SMARCA1: variants seen among roughly 807,000 people sequenced by gnomAD.
SMARCA1 encodes SNF2 related chromatin remodeling ATPase 1.
SMARCA1 carries 17 observed loss-of-function variants against 93.6 expected under a neutral mutation model. The ratio of observed to expected loss-of-function variants is 0.18; its 90% CI spans 0.12 to 0.27. The LOEUF (loss-of-function observed/expected upper bound fraction) is 0.27. SMARCA1 is among the 10% of genes least tolerant of loss of function. The pLI is 1.00. For synonymous variants in SMARCA1, 271 were observed against 271.4 expected (o/e 1.00, Z 0.01); for missense variants, 630 against 819.0 (o/e 0.77, Z 2.82).
intron 9 of SMARCA1, among the ~76,000 whole-genome samples, 169 bp downstream of exon 9, chrX:129,504,549 TAAAAAAAAAAAAAAAA>T (rs780225300): frequency 7.8e-4 from 19 of 24,206 alleles, no homozygotes; most frequent in African/African-American, 1.3e-3. Context: ...CATAGAGGAA[TAAAAAAAAAAAAAAAA>T]AAAAAAAAAA....
At chrX:129,516,966 A>G (rs1423289162) in intron 2 of SMARCA1, among the ~76,000 whole-genome samples, 1 of 111,631 alleles carries the variant, frequency 9.0e-6, no homozygotes. Flanking sequence ...ACTCTTAAGA[A>G]TTTCCAAGTT....
intron 17 of SMARCA1, among the ~76,000 whole-genome samples, chrX:129,483,552 C>T (rs1267855994): frequency 8.9e-6 from 1 of 111,831 alleles, no homozygotes; most frequent in Non-Finnish European, 1.9e-5. Flanking sequence ...TTTTATCTTT[C>T]TCAATTGGAG....
intron 23 of SMARCA1, among the ~76,000 whole-genome samples, chrX:129,458,578 C>T (rs1932741567): frequency 8.9e-6 from 1 of 112,138 alleles, no homozygotes; most frequent in African/African-American, 3.2e-5. Context: ...ATCCTTTGCT[C>T]CAATACTCAG....
chrX:129,511,332 T>C (rs900326346), intron 6 of SMARCA1, among the ~76,000 whole-genome samples: 1 of 111,808 alleles, frequency 8.9e-6, no homozygotes, highest in Non-Finnish European at 1.9e-5. Context: ...TCTGTACATA[T>C]AGAAGAGGTT....
At chrX:129,502,086 T>C (rs184584069) in intron 9 of SMARCA1, among the ~76,000 whole-genome samples, 9 of 111,811 alleles carry the variant, frequency 8.0e-5, no homozygotes, top group African/African-American at 1.9e-4. Context: ...TGGCTTCTGG[T>C]GTGAGCCTCA....
intron 23 of SMARCA1, among the ~76,000 whole-genome samples, chrX:129,463,897 A>G (rs1932850022): frequency 8.9e-6 from 1 of 111,743 alleles, no homozygotes; most frequent in Admixed American, 9.5e-5. Context: ...AGACTGCACC[A>G]CTGCACTCCA....
At chrX:129,490,380 T>C (rs1176998087) in intron 14 of SMARCA1, among the ~76,000 whole-genome samples, 188 bp from the exon 15 acceptor site, 1 of 112,410 alleles carries the variant, frequency 8.9e-6, no homozygotes, top group Admixed American at 9.4e-5. Context: ...AATATTATAT[T>C]GTACCATTAA....
rs778241381 is a variant in SMARCA1 at position 129,470,856 on chromosome X, G to A, written c.2565+348C>T. Among the ~76,000 whole-genome samples, 13 of 111,767 alleles carry A rather than the reference G, an allele frequency of 1.2e-4. No individual in the cohort carries two copies. The East Asian group carries it at 2.8e-3, about 24-fold the overall frequency. ...TGCACTCCGGCCTGGGTGACAGAGCGAGACTGTCTCAAAAAACAAAAAAGA... is the reference window on the plus strand; with the variant it reads ...TGCACTCCGGCCTGGGTGACAGAGCAAGACTGTCTCAAAAAACAAAAAAGA... On this transcript the variant is annotated intron_variant, in intron 20 of 24. Coordinates refer to ENST00000371121, the MANE Select transcript of SMARCA1 (RefSeq NM_001282874.2).
At chrX:129,494,616 G>A (rs1285411274) in intron 12 of SMARCA1, among the ~76,000 whole-genome samples, 1 of 111,222 alleles carries the variant, frequency 9.0e-6, no homozygotes, top group Non-Finnish European at 1.9e-5. Context: ...CTTGTAGCCT[G>A]AGATGGGGCC....
At chrX:129,471,616 C>T (rs1268128140) in intron 19 of SMARCA1, among the ~76,000 whole-genome samples, 1 of 110,674 alleles carries the variant, frequency 9.0e-6, no homozygotes, top group Non-Finnish European at 1.9e-5. Context: ...TTGTAATATA[C>T]AGAACAAACA....
chrX:129,447,303 T>C (rs1932054014), intron 24 of SMARCA1, 70 bp from the exon 25 acceptor site: 3 of 1,077,604 alleles, frequency 2.8e-6, no homozygotes, highest in Admixed American at 3.8e-5. Flanking sequence ...ATGTTAAATC[T>C]AGGATGTAAA....
intron 9 of SMARCA1, among the ~76,000 whole-genome samples, chrX:129,500,730 T>C (rs1030920292): frequency 8.9e-6 from 1 of 111,994 alleles, no homozygotes; most frequent in Non-Finnish European, 1.9e-5. Flanking sequence ...TTACTCACTA[T>C]CAATCATTTC....
At chrX:129,477,677 A>T (rs1276158977) in intron 19 of SMARCA1, among the ~76,000 whole-genome samples, 2 of 111,757 alleles carry the variant, frequency 1.8e-5, no homozygotes, top group African/African-American at 6.5e-5. Flanking sequence ...TAAAATAAGG[A>T]TGTAGTTCAA....
intron 15 of SMARCA1, 150 bp from the exon 16 acceptor site, chrX:129,489,235 C>A: frequency 2.8e-6 from 1 of 351,129 alleles, no homozygotes; most frequent in Non-Finnish European, 4.8e-6. Context: ...GTTTAATAAA[C>A]CCTACAAGTT....
At chrX:129,457,961 A>G (rs1018313773) in intron 23 of SMARCA1, among the ~76,000 whole-genome samples, 2 of 111,836 alleles carry the variant, frequency 1.8e-5, no homozygotes, top group African/African-American at 6.5e-5. Context: ...AAAGAATTGC[A>G]TAACACTTAT....
chrX:129,518,271 T>C, intron 2 of SMARCA1, 90 bp downstream of exon 2: 1 of 443,263 alleles, frequency 2.3e-6, no homozygotes, highest in Admixed American at 4.0e-5. Flanking sequence ...TCTCTATGCA[T>C]TATATATATA....
chrX:129,492,975 A>G (rs1197463593), intron 13 of SMARCA1, 65 bp downstream of exon 13: 1 of 413,867 alleles, frequency 2.4e-6, no homozygotes, highest in Non-Finnish European at 4.4e-6. Context: ...GGGAGTATAA[A>G]TTGGTACAAC....
chrX:129,504,229 G>C (rs1009174620), intron 9 of SMARCA1, among the ~76,000 whole-genome samples: 1 of 112,223 alleles, frequency 8.9e-6, no homozygotes, highest in African/African-American at 3.2e-5. Context: ...AGTGTGCCAA[G>C]ATCATGCCAC....
chrX:129,493,516 T>C (rs1223579911), intron 12 of SMARCA1, among the ~76,000 whole-genome samples: 3 of 111,240 alleles, frequency 2.7e-5, no homozygotes, highest in Non-Finnish European at 5.7e-5. Context: ...ACTACCACCG[T>C]CACAGTCAGC....
Sources: allele counts gnomAD v4.1 joint callset (sites outside exome capture counted in the v4.1 genomes callset), GRCh38; gene constraint gnomAD v4.1.1; transcripts MANE v1.5; gene names NCBI Gene and HGNC (gene_info 2026-07-23, HGNC 2026-07-21).